Variants in PLD1 observed in about 807,000 individuals in gnomAD.
PLD1 encodes choline phosphatase 1.
PLD1 carries 112 observed loss-of-function variants against 137.1 expected under a neutral mutation model. That is an observed-to-expected ratio of 0.82 (90% CI 0.70 to 0.96). PLD1 has a LOEUF of 0.96. Ranked by LOEUF, PLD1 falls within the 40% of genes least tolerant of loss-of-function variation. PLD1 has a pLI of 0.00. For synonymous variants in PLD1, 431 were observed against 454.7 expected, an observed-to-expected ratio of 0.95 and a Z score of 0.66; for missense variants, 1,321 against 1,342.0, an observed-to-expected ratio of 0.98 and a Z score of 0.24.
intron 13 of PLD1, 55 bp from the exon 14 acceptor site, chr3:171,688,931 A>G: frequency 7.5e-7 from 1 of 1,324,510 alleles, no homozygotes; most frequent in Non-Finnish European, 1.1e-6. Flanking sequence ...CCTTCCTGTC[A>G]TAATGAAATA....
At chr3:171,688,925 C>T (rs932085117) in intron 13 of PLD1, 49 bp from the exon 14 acceptor site, 6 of 1,410,008 alleles carry the variant, frequency 4.3e-6, no homozygotes, top group Non-Finnish European at 6.0e-6. Context: ...AAATGTCCTT[C>T]CTGTCATAAT....
At chr3:171,707,539 T>G (rs895520814) in intron 11 of PLD1, among the ~76,000 whole-genome samples, 2 of 152,108 alleles carry the variant, frequency 1.3e-5, no homozygotes, top group African/African-American at 4.8e-5. Flanking sequence ...AAAGACAAAA[T>G]TTGGTAACAA....
At chr3:171,754,999 A>G (rs531535794) in intron 1 of PLD1, among the ~76,000 whole-genome samples, 20 of 152,014 alleles carry the variant, frequency 1.3e-4, no homozygotes, top group Admixed American at 9.2e-4. Flanking sequence ...TGTTCATCCA[A>G]CTGAGAGCAT....
chr3:171,706,157 T>TCTATCTAA (rs1716676781), intron 11 of PLD1, among the ~76,000 whole-genome samples: 1 of 151,842 alleles, frequency 6.6e-6, no homozygotes, highest in Admixed American at 6.6e-5. Flanking sequence ...TATCTATCTA[T>TCTATCTAA]CTATCTATCT....
intron 1 of PLD1, among the ~76,000 whole-genome samples, chr3:171,796,331 G>A (rs1482891124): frequency 2.6e-5 from 4 of 152,126 alleles, no homozygotes; most frequent in Admixed American, 2.6e-4. Context: ...TATATACATA[G>A]AGCACATATC....
chr3:171,683,013 A>G (rs775140525), intron 16 of PLD1, among the ~76,000 whole-genome samples: 6 of 152,260 alleles, frequency 3.9e-5, no homozygotes, highest in Non-Finnish European at 8.8e-5. Flanking sequence ...CCTAACAAAG[A>G]TAGCATCATT....
At chr3:171,620,312 A>G (rs1733479256) in intron 24 of PLD1, 74 bp downstream of exon 24, 1 of 1,082,144 alleles carries the variant, frequency 9.2e-7, no homozygotes. Flanking sequence ...CTTAGGAGGA[A>G]TAGCAGCAAA....
chr3:171,638,440 C>T (rs968197182), intron 23 of PLD1, among the ~76,000 whole-genome samples: 1 of 152,090 alleles, frequency 6.6e-6, no homozygotes, highest in East Asian at 1.9e-4. Context: ...TATAATCTTA[C>T]GGGACCACCA....
At chr3:171,666,965 C>A (rs150897008) in intron 19 of PLD1, among the ~76,000 whole-genome samples, 2 of 152,184 alleles carry the variant, frequency 1.3e-5, no homozygotes, top group Non-Finnish European at 2.9e-5. Flanking sequence ...GGGCCCAAGT[C>A]AAATGTATGG....
rs553040411 is a variant in PLD1 at position 171,693,885 on chromosome 3, G to T, written c.1228-1443C>A. On this transcript the variant is annotated intron_variant, in intron 12 of 26. Transcript: ENST00000351298. ...AAAAATCTTTAAGATATCTTACTGG[G>T]TTGAACACACCTACTTTACAAGAAC... Among the ~76,000 whole-genome samples, 167 of 152,112 alleles carry T rather than the reference G, an allele frequency of 1.1e-3. 2 individuals carry two copies. The South Asian group carries it at 0.015, about 14-fold the overall frequency.
chr3:171,608,531 G>A (rs763041806), intron 25 of PLD1, among the ~76,000 whole-genome samples: 2 of 152,154 alleles, frequency 1.3e-5, no homozygotes, highest in Non-Finnish European at 2.9e-5. Context: ...AAAATGCACA[G>A]CCACAATAAT....
At chr3:171,796,203 T>C (rs752478466) in intron 1 of PLD1, among the ~76,000 whole-genome samples, 5 of 151,950 alleles carry the variant, frequency 3.3e-5, no homozygotes, top group Non-Finnish European at 7.4e-5. Flanking sequence ...CCAAAAGGAG[T>C]TTATGATCCA....
chr3:171,726,429 A>G (rs1198184413), intron 6 of PLD1, among the ~76,000 whole-genome samples: 1 of 152,206 alleles, frequency 6.6e-6, no homozygotes, highest in Non-Finnish European at 1.5e-5. Flanking sequence ...GTACACTCAA[A>G]CAATAAAAGA....
At chr3:171,791,934 C>T (rs1723229027) in intron 1 of PLD1, 1 of 152,760 alleles carries the variant, frequency 6.5e-6, no homozygotes, top group Non-Finnish European at 1.5e-5. Context: ...CCTGCCATTT[C>T]CTTCCTTTCA....
Position 171,603,258 on chromosome 3 carries a change from C to G in PLD1, c.3045G>C (p.Gln1015His). The G allele has an allele frequency of 6.2e-7, 1 of 1,614,014 alleles. No individual in the cohort carries two copies. ...CGGGCTTGTTTATAAAGTCTCTCAGCTGAATTAAATTGTGTACTTCATCAT... is the reference window on the plus strand; with the variant it reads ...CGGGCTTGTTTATAAAGTCTCTCAGGTGAATTAAATTGTGTACTTCATCAT... ...LPNDEVHNLI[Q>H]LRDFINKPVL... The change falls in exon 27 of 27, where the codon CAG (glutamine) becomes CAC (histidine). Residue 1015 changes from glutamine (Q) to histidine (H), a missense_variant. Transcript: ENST00000351298.
chr3:171,679,172 A>T (rs1267168556), intron 16 of PLD1, among the ~76,000 whole-genome samples: 1 of 152,368 alleles, frequency 6.6e-6, no homozygotes, highest in Admixed American at 6.5e-5. Context: ...AGCTCCAAGC[A>T]CCCAGGCAAT....
At chr3:171,795,186 C>A (rs28637464) in intron 1 of PLD1, among the ~76,000 whole-genome samples, 361 of 152,326 alleles carry the variant, frequency 2.4e-3, no homozygotes, top group African/African-American at 8.2e-3. Context: ...ATTTAACCAG[C>A]TTCACACAAG....
At chr3:171,764,882 A>AGAAT (rs1721760269) in intron 1 of PLD1, among the ~76,000 whole-genome samples, 1 of 27,018 alleles carries the variant, frequency 3.7e-5, no homozygotes, top group Non-Finnish European at 7.4e-5. Flanking sequence ...AAAGAAAGAA[A>AGAAT]GAAAGAAAGA....
chr3:171,739,555 T>A (rs1719623538), intron 1 of PLD1, among the ~76,000 whole-genome samples: 1 of 152,222 alleles, frequency 6.6e-6, no homozygotes, highest in South Asian at 2.1e-4. Context: ...TCCCTCCCAC[T>A]TCTAATTTAT....
Sources: allele counts gnomAD v4.1 joint callset (sites outside exome capture counted in the v4.1 genomes callset), GRCh38; gene constraint gnomAD v4.1.1; transcripts MANE v1.5; gene names NCBI Gene and HGNC (gene_info 2026-07-23, HGNC 2026-07-21).